ADCY5: variants seen among roughly 807,000 people sequenced by gnomAD.
ADCY5 encodes adenylate cyclase type 5.
ADCY5 carries 30 observed loss-of-function variants against 119.7 expected under a neutral mutation model. The observed-to-expected ratio is 0.25, with a 90% confidence interval of 0.19 to 0.34. The LOEUF is 0.34. Among genes scored for constraint, ADCY5 ranks in the 10% least tolerant of loss-of-function variants. The pLI is 1.00. For missense variants in ADCY5, 1,324 were observed against 1,775.2 expected, an observed-to-expected ratio of 0.75 and a Z score of 4.57; for synonymous variants, 753 against 762.2, an observed-to-expected ratio of 0.99 and a Z score of 0.20.
At position 123,298,321 on chromosome 3, in the gene ADCY5, C is replaced by A. The variant is rs567100134; in HGVS notation, c.2901-939G>T. On this transcript the variant is annotated intron_variant, in intron 15 of 20. Transcript: ENST00000462833. ...GGACAAGGTTGCCCTAGAGCCAAAC[C>A]ATGGTCTCCCAATCCAGAAATAACC... Among the ~76,000 whole-genome samples the A allele has an allele frequency of 2.0e-5, 3 of 152,296 alleles. No homozygotes were observed. The East Asian group carries it at 5.8e-4, about 29-fold the overall frequency.
intron 1 of ADCY5, among the ~76,000 whole-genome samples, chr3:123,365,015 A>G (rs904224603): frequency 1.5e-4 from 22 of 151,060 alleles, no homozygotes; most frequent in African/African-American, 4.9e-4. Flanking sequence ...CTCACTGCAA[A>G]CTCTGCCTCC....
At chr3:123,430,952 A>C (rs1351729225) in intron 1 of ADCY5, among the ~76,000 whole-genome samples, 2 of 152,222 alleles carry the variant, frequency 1.3e-5, no homozygotes, top group African/African-American at 4.8e-5. Context: ...AAATCCTCTG[A>C]GGGTACAAGC....
intron 1 of ADCY5, among the ~76,000 whole-genome samples, chr3:123,433,507 A>G (rs1326498559): frequency 6.6e-6 from 1 of 152,222 alleles, no homozygotes; most frequent in Non-Finnish European, 1.5e-5. Flanking sequence ...TTAGCAAACG[A>G]GTTTCATTTT....
intron 12 of ADCY5, among the ~76,000 whole-genome samples, chr3:123,309,224 T>C (rs1360894335): frequency 6.6e-6 from 1 of 152,074 alleles, no homozygotes; most frequent in African/African-American, 2.4e-5. Context: ...AAGGAGGGGA[T>C]GAAATTGGAT....
At chr3:123,301,239 C>T (rs1287411821) in intron 14 of ADCY5, among the ~76,000 whole-genome samples, 3 of 152,194 alleles carry the variant, frequency 2.0e-5, no homozygotes, top group Non-Finnish European at 4.4e-5. Context: ...CAGATGTTTA[C>T]TCTTCGCACA....
At chr3:123,394,753 C>G (rs1944496463) in intron 1 of ADCY5, among the ~76,000 whole-genome samples, 1 of 152,184 alleles carries the variant, frequency 6.6e-6, no homozygotes, top group Admixed American at 6.5e-5. Context: ...TACGAGCAAA[C>G]CTCCTCTGAC....
chr3:123,359,331 A>AAAATATATATAT (rs1553736034), intron 1 of ADCY5, among the ~76,000 whole-genome samples: 4 of 109,766 alleles, frequency 3.6e-5, no homozygotes, highest in African/African-American at 1.1e-4. Flanking sequence ...CTTATACTAA[A>AAAATATATATAT]ATATATATAT....
chr3:123,448,279 C>T lies in ADCY5; in HGVS notation c.267G>A (p.Leu89=), dbSNP rs760698021. Residue 89 remains leucine (L), a synonymous_variant, in exon 1 of 21, where the codon CTG becomes CTA. Coordinates refer to ENST00000462833, the MANE Select transcript of ADCY5 (RefSeq NM_183357.3). ...DDPPLSGDDP[L]AGGFGFSFRS... ...GGAAGCTGAAGCCGAAGCCCCCGGCCAGGGGGTCGTCACCGCTCAGCGGAG... is the reference window on the plus strand; with the variant it reads ...GGAAGCTGAAGCCGAAGCCCCCGGCTAGGGGGTCGTCACCGCTCAGCGGAG... 2.6e-6 allele frequency: 4 copies of T among 1,525,614 alleles called. No individual in the cohort carries two copies. Among genetic ancestry groups the T allele is most frequent in the Non-Finnish European group, 3.5e-6 (4 of 1,146,218 alleles). The allele number at this position is 1,525,614 out of a possible 1,614,324, so 94.5% of individuals were successfully genotyped here.
At position 123,320,748 on chromosome 3, in the gene ADCY5, C is replaced by A; in HGVS notation, c.2111+1G>T. ...GGAATAAGGAAGGGCATATTACTCACTTGTCCTTGGGGTCTTCAAAGCCCT... is the reference window on the plus strand; with the variant it reads ...GGAATAAGGAAGGGCATATTACTCAATTGTCCTTGGGGTCTTCAAAGCCCT... On this transcript the variant is annotated splice_donor_variant, in intron 9 of 20. Coordinates refer to ENST00000462833, the MANE Select transcript of ADCY5 (RefSeq NM_183357.3). LOFTEE classifies it high-confidence loss of function. 1 of 1,611,922 alleles carries A rather than the reference C, an allele frequency of 6.2e-7. No individual in the cohort carries two copies. The highest frequency in any genetic ancestry group is 1.1e-5 in the South Asian group (1 of 90,982).
At chr3:123,366,559 T>G (rs1943446739) in intron 1 of ADCY5, among the ~76,000 whole-genome samples, 1 of 152,134 alleles carries the variant, frequency 6.6e-6, no homozygotes. Flanking sequence ...GGGGCTCAGG[T>G]ATGACGACTG....
chr3:123,324,969 G>A (rs538985320), intron 8 of ADCY5, among the ~76,000 whole-genome samples: 11 of 152,352 alleles, frequency 7.2e-5, no homozygotes, highest in Admixed American at 6.5e-4. Flanking sequence ...CAACTCCCTG[G>A]GGCCTCACCA....
chr3:123,332,041 G>A (rs951169658), intron 4 of ADCY5, among the ~76,000 whole-genome samples: 19 of 152,166 alleles, frequency 1.2e-4, no homozygotes, highest in African/African-American at 3.9e-4. Flanking sequence ...TGAACGTGTC[G>A]TTCACCACTC....
rs1053148419 is a variant in ADCY5, at chr3:123,385,953, T to C, written c.1135-33372A>G. On this transcript the variant is annotated intron_variant, in intron 1 of 20. Coordinates refer to ENST00000462833, the MANE Select transcript of ADCY5 (RefSeq NM_183357.3). The stretch of plus-strand genomic sequence containing the variant: ...GGTAGGTGCTCTTATCCCTATCTTA[T>C]TGATGAAGACACTGAGGCTCAGAAA... 5.9e-5 allele frequency among the ~76,000 whole-genome samples: 9 copies of C among 152,220 alleles called. No homozygotes were observed. In the South Asian group the frequency reaches 6.2e-4, roughly 11 times the overall value.
intron 1 of ADCY5, among the ~76,000 whole-genome samples, chr3:123,441,110 A>G (rs1030764146): frequency 6.6e-6 from 1 of 152,136 alleles, no homozygotes; most frequent in African/African-American, 2.4e-5. Context: ...CTTAGGTGTA[A>G]CCTGAGCCGT....
At chr3:123,359,331 A>AATATAT (rs57105101) in intron 1 of ADCY5, among the ~76,000 whole-genome samples, 1,476 of 109,554 alleles carry the variant, frequency 0.013, 34 homozygotes, top group East Asian at 0.046. Context: ...CTTATACTAA[A>AATATAT]ATATATATAT....
chr3:123,345,769 G>GACAGACAGACACACAC (rs57198270), intron 3 of ADCY5, among the ~76,000 whole-genome samples: 6 of 113,836 alleles, frequency 5.3e-5, no homozygotes, highest in South Asian at 6.8e-4. Context: ...CAGACAGACA[G>GACAGACAGACACACAC]ACACACACAC....
At chr3:123,426,292 C>G (rs1440944604) in intron 1 of ADCY5, among the ~76,000 whole-genome samples, 10 of 80,408 alleles carry the variant, frequency 1.2e-4, no homozygotes, top group Non-Finnish European at 2.3e-4. Context: ...TTTTTCTTTT[C>G]TTTTGTGTTT....
At chr3:123,426,159 T>C (rs1241409944) in intron 1 of ADCY5, among the ~76,000 whole-genome samples, 1 of 152,076 alleles carries the variant, frequency 6.6e-6, no homozygotes, top group Non-Finnish European at 1.5e-5. Context: ...AGGAGAGCAC[T>C]AAAGCCCAGA....
chr3:123,330,628 C>T (rs974558862), intron 5 of ADCY5, among the ~76,000 whole-genome samples: 3 of 152,248 alleles, frequency 2.0e-5, no homozygotes, highest in African/African-American at 7.2e-5. Flanking sequence ...CTCTCCTCCA[C>T]TCCTGGAGTC....
Sources: gnomAD v4.1 joint callset for allele counts (sites outside exome capture counted in the v4.1 genomes callset) on GRCh38, gnomAD v4.1.1 for gene constraint, MANE v1.5 for transcripts, NCBI Gene and HGNC (gene_info 2026-07-23, HGNC 2026-07-21) for gene names.